PPP4R1: variants seen among roughly 807,000 people sequenced by gnomAD.
The protein encoded by PPP4R1 is protein phosphatase 4 regulatory subunit 1.
Under a neutral mutation model 111.2 loss-of-function variants are expected in PPP4R1, and 42 were observed. The observed-to-expected ratio is 0.38, with a 90% CI of 0.29 to 0.49. The LOEUF is 0.49. Among genes scored for constraint, PPP4R1 ranks in the 20% least tolerant of loss-of-function variants. The probability of loss-of-function intolerance (pLI) is 0.97; values close to 1 mark genes in which losing one functional copy is unlikely to be tolerated. For missense variants in PPP4R1, 1,012 were observed against 1,161.6 expected (o/e 0.87, Z 1.87); for synonymous variants, 409 against 405.5 (o/e 1.01, Z -0.10).
rs2066425389 is a variant in PPP4R1, at chr18:9,547,939, G to A, written c.2703C>T (p.Ala901=). The A allele has an allele frequency of 6.2e-7, 1 of 1,613,960 alleles. No individual in the cohort carries two copies. Among genetic ancestry groups the A allele is most frequent in the South Asian group, 1.1e-5 (1 of 91,072 alleles). Residue 901 remains alanine, a synonymous_variant, in exon 20 of 20, where the codon GCC becomes GCT. Coordinates refer to ENST00000400556, the MANE Select transcript of PPP4R1 (RefSeq NM_001042388.3). ...QTLLEKDYFL[A]SASCHQEAVE... ...CAGCCTCCTGGTGGCAGCTGGCAGAGGCCAAGAAATAGTCTGGAAATGACA... is the reference window on the plus strand; with the variant it reads ...CAGCCTCCTGGTGGCAGCTGGCAGAAGCCAAGAAATAGTCTGGAAATGACA...
At position 9,593,887 on chromosome 18, in the gene PPP4R1, A is replaced by C. The variant is rs774391077; in HGVS notation, c.189-13T>G. ...GGCCACCATTTGTCTACACAAAAAAAACAAAATTATGTATGTTCAATGGCA... is the reference window on the plus strand; with the variant it reads ...GGCCACCATTTGTCTACACAAAAAACACAAAATTATGTATGTTCAATGGCA... On this transcript the variant is annotated splice_polypyrimidine_tract_variant and intron_variant, in intron 3 of 19. Coordinates refer to ENST00000400556, the MANE Select transcript of PPP4R1 (RefSeq NM_001042388.3). The C allele has an allele frequency of 1.2e-5, 20 of 1,603,428 alleles. No individual in the cohort carries two copies. The South Asian group carries it at 2.1e-4, about 17-fold the overall frequency.
chr18:9,613,843 C>T (rs997019749), intron 2 of PPP4R1: 2 of 158,258 alleles, frequency 1.3e-5, no homozygotes, highest in African/African-American at 4.8e-5. Context: ...CTCTTCCTTC[C>T]TAGAGTGACG....
intron 2 of PPP4R1, among the ~76,000 whole-genome samples, chr18:9,597,892 T>C (rs770327168): frequency 6.6e-6 from 1 of 151,854 alleles, no homozygotes. Context: ...ACAAAAAATA[T>C]AGAATTAGCA....
At chr18:9,571,730 C>T (rs1230122344) in intron 10 of PPP4R1, among the ~76,000 whole-genome samples, 5 of 152,018 alleles carry the variant, frequency 3.3e-5, no homozygotes, top group East Asian at 1.9e-4. Flanking sequence ...ATGCAAAGGC[C>T]GGAGTGGCAG....
intron 8 of PPP4R1, 24 bp from the exon 9 acceptor site, chr18:9,583,299 GTTAGTTGGATAAAGA>G (rs1568110981): frequency 6.6e-7 from 1 of 1,506,060 alleles, no homozygotes. Flanking sequence ...AAAGAGTCTT[GTTAGTTGGATAAAGA>G]TAGCAGATTT....
chr18:9,609,867 G>A (rs145026875), intron 2 of PPP4R1, among the ~76,000 whole-genome samples: 180 of 152,262 alleles, frequency 1.2e-3, no homozygotes, highest in African/African-American at 4.1e-3. Context: ...AGAATCAGAA[G>A]GCCTAGCTTA....
intron 18 of PPP4R1, chr18:9,549,849 G>A: frequency 2.9e-6 from 2 of 691,216 alleles, no homozygotes; most frequent in Non-Finnish European, 4.7e-6. Context: ...GTGCATGCCA[G>A]TGTAAGGAGG....
chr18:9,557,580 C>T (rs547320872), intron 14 of PPP4R1, among the ~76,000 whole-genome samples, 198 bp from the exon 15 acceptor site: 86 of 152,312 alleles, frequency 5.6e-4, no homozygotes, highest in African/African-American at 1.9e-3. Context: ...CTGCCTAGTA[C>T]GTATTATCTT....
chr18:9,602,105 A>G (rs2067393311), intron 2 of PPP4R1, among the ~76,000 whole-genome samples: 1 of 152,192 alleles, frequency 6.6e-6, no homozygotes, highest in Non-Finnish European at 1.5e-5. Flanking sequence ...AACAACTGTC[A>G]TAGCTCCAGA....
intron 10 of PPP4R1, among the ~76,000 whole-genome samples, chr18:9,571,358 C>T (rs2066858577): frequency 1.3e-5 from 2 of 152,094 alleles, no homozygotes; most frequent in South Asian, 2.1e-4. Flanking sequence ...CTGATTACTG[C>T]CATCTATTAT....
At chr18:9,565,909 C>A (rs1315650202) in intron 11 of PPP4R1, among the ~76,000 whole-genome samples, 2 of 152,044 alleles carry the variant, frequency 1.3e-5, no homozygotes, top group African/African-American at 4.8e-5. Flanking sequence ...CTACACCAAA[C>A]AACAAATTTT....
rs1453790345 is a variant in PPP4R1, at chr18:9,614,263, C to T, written c.15G>A (p.Ser5=). The T allele has an allele frequency of 5.9e-6, 8 of 1,346,250 alleles. No homozygotes were observed. Among genetic ancestry groups the T allele is most frequent in the Admixed American group, 3.1e-5 (1 of 32,470 alleles). The allele number at this position is 1,346,250 out of a possible 1,614,324, so 83.4% of individuals were successfully genotyped here. Residue 5 remains serine (S), a synonymous_variant, in exon 2 of 20, where the codon TCG becomes TCA. Coordinates refer to ENST00000400556, the MANE Select transcript of PPP4R1 (RefSeq NM_001042388.3). This position sits in a 1 kb window ranked among gnomAD's most constrained non-coding sequence, Gnocchi z 4.1. MADL[S]LLQEDLQEDA... ...CCTCCTGCAGGTCCTCCTGAAGCAGCGAGAGGTCTGCGCCGAGGGGAGAGA... is the reference window on the plus strand; with the variant it reads ...CCTCCTGCAGGTCCTCCTGAAGCAGTGAGAGGTCTGCGCCGAGGGGAGAGA...
chr18:9,583,656 C>T (rs2067068734), intron 8 of PPP4R1, among the ~76,000 whole-genome samples: 1 of 152,134 alleles, frequency 6.6e-6, no homozygotes, highest in Non-Finnish European at 1.5e-5. Flanking sequence ...TGTGAGCCAC[C>T]ACGCCCAGCC....
At chr18:9,586,434 T>A (rs2067117710) in intron 6 of PPP4R1, among the ~76,000 whole-genome samples, 2 of 152,120 alleles carry the variant, frequency 1.3e-5, no homozygotes. Context: ...GAAATAATGA[T>A]GTTTTGGAAC....
intron 11 of PPP4R1, among the ~76,000 whole-genome samples, chr18:9,566,820 T>G (rs1235546525): frequency 2.0e-5 from 3 of 152,190 alleles, no homozygotes; most frequent in African/African-American, 7.2e-5. Context: ...ACAGCAAGGT[T>G]TGCCGAGTAC....
chr18:9,616,397 A>G (rs956191968), upstream of PPP4R1, among the ~76,000 whole-genome samples: 2 of 152,076 alleles, frequency 1.3e-5, no homozygotes, highest in Non-Finnish European at 2.9e-5. Context: ...CAGCCTCCCA[A>G]GTAACTGGAA....
intron 13 of PPP4R1, 111 bp from the exon 14 acceptor site, chr18:9,559,715 C>A: frequency 1.3e-6 from 1 of 757,692 alleles, no homozygotes; most frequent in Non-Finnish European, 1.9e-6. Flanking sequence ...AACATAGCAT[C>A]TCAAATAGTT....
intron 11 of PPP4R1, among the ~76,000 whole-genome samples, chr18:9,569,564 G>C (rs777189594): frequency 1.3e-5 from 2 of 152,158 alleles, no homozygotes; most frequent in Non-Finnish European, 2.9e-5. Context: ...CTTTCAAAGA[G>C]AGTGATTTGT....
intron 4 of PPP4R1, among the ~76,000 whole-genome samples, chr18:9,589,329 A>C (rs2067172962): frequency 6.6e-6 from 1 of 152,172 alleles, no homozygotes; most frequent in Non-Finnish European, 1.5e-5. Context: ...AAAATGGGTA[A>C]ATGAAAATTA....
Sources: gnomAD v4.1 joint callset for allele counts (sites outside exome capture counted in the v4.1 genomes callset) on GRCh38, gnomAD v4.1.1 for gene constraint, Gnocchi (gnomAD v3.1) non-coding constraint, MANE v1.5 for transcripts, NCBI Gene and HGNC (gene_info 2026-07-23, HGNC 2026-07-21) for gene names.